PDIA4: variants seen among roughly 807,000 people sequenced by gnomAD.
The protein encoded by PDIA4 is protein disulfide-isomerase A4.
In PDIA4, 33 loss-of-function variants were observed where a neutral mutation model predicts 62.1. The ratio of observed to expected loss-of-function variants is 0.53; its 90% confidence interval spans 0.40 to 0.71. PDIA4 has a LOEUF of 0.71. PDIA4 is among the 30% of genes least tolerant of loss of function. PDIA4 has a pLI of 0.00. For synonymous variants in PDIA4, 341 were observed against 324.1 expected (o/e 1.05, Z -0.56); for missense variants, 804 against 813.6 (o/e 0.99, Z 0.14).
chr7:149,022,631 C>T (rs1291068718), intron 1 of PDIA4, among the ~76,000 whole-genome samples: 1 of 152,082 alleles, frequency 6.6e-6, no homozygotes, highest in Non-Finnish European at 1.5e-5. Context: ...TGGATGAGGT[C>T]AGGGTCTGAA....
Position 149,028,391 on chromosome 7 carries a change from G to A in PDIA4, c.18C>T (p.Ala6=), listed in dbSNP as rs531895919. 5 of 1,520,354 alleles carry A rather than the reference G, an allele frequency of 3.3e-6. No homozygotes were observed. Among genetic ancestry groups the A allele is most frequent in the Non-Finnish European group, 4.4e-6 (5 of 1,134,830 alleles). The allele number at this position is 1,520,354 out of a possible 1,614,324, so 94.2% of individuals were successfully genotyped here. A position where few individuals can be genotyped will look rare whatever the true frequency, so the allele number is the denominator to read the frequency against. The change falls in exon 1 of 10, where the codon GCC becomes GCT. Residue 6 remains alanine, a synonymous_variant. Transcript: ENST00000652332. Reference sequence around the variant, plus strand: ...GCCCCAAGAGCAGCAGGAGCAGGAAGGCTTTCCGGGGCCTCATGGTAGCGG... The same window carrying A: ...GCCCCAAGAGCAGCAGGAGCAGGAAAGCTTTCCGGGGCCTCATGGTAGCGG... MRPRK[A]FLLLLLLGLV...
chr7:149,021,234 T>G (rs1258525997), intron 1 of PDIA4, 87 bp from the exon 2 acceptor site: 4 of 1,361,852 alleles, frequency 2.9e-6, no homozygotes, highest in East Asian at 5.0e-5. Context: ...CTCACACTTG[T>G]AATCCCAGCA....
In PDIA4 at chr7:149,007,370, G is replaced by A. The variant is rs564144709; in HGVS notation, c.1131+789C>T. On this transcript the variant is annotated intron_variant, in intron 7 of 9. Coordinates refer to ENST00000652332, the MANE Select transcript of PDIA4 (RefSeq NM_004911.5). The stretch of plus-strand genomic sequence containing the variant: ...CAAACAGCCAGGGTCCTGACACTAT[G>A]GGCCAGTAGGACCTGGAAAGGCCCC... 2.0e-5 allele frequency among the ~76,000 whole-genome samples: 3 copies of A among 152,306 alleles called. No homozygotes were observed. The East Asian group carries it at 5.8e-4, about 29-fold the overall frequency.
chr7:149,019,072 A>C lies in PDIA4; in HGVS notation c.395T>G (p.Phe132Cys). 1 of 1,613,562 alleles carries C rather than the reference A, an allele frequency of 6.2e-7. No homozygotes were observed. The highest frequency in any genetic ancestry group is 2.2e-5 in the East Asian group (1 of 44,854). ...GATGGTGGGGTAGCCACTCACATCAAACCTGCTGGCCAGCACAGACGCTGA... is the reference window on the plus strand; with the variant it reads ...GATGGTGGGGTAGCCACTCACATCACACCTGCTGGCCAGCACAGACGCTGA... ...ATSASVLASRFDVSGYPTIKI... is the reference protein window; with the variant it reads ...ATSASVLASRCDVSGYPTIKI... The change falls in exon 3 of 10, where the codon TTT becomes TGT. Residue 132 changes from phenylalanine (F) to cysteine (C), a missense_variant. By Grantham distance (205) the Phe-to-Cys change is radical (BLOSUM62 -2). Transcript: ENST00000652332.
intron 7 of PDIA4, among the ~76,000 whole-genome samples, chr7:149,006,986 C>G (rs1823780126): frequency 6.6e-6 from 1 of 152,186 alleles, no homozygotes; most frequent in South Asian, 2.1e-4. Context: ...ACACACAGAG[C>G]TGTGTCCGAT....
intron 4 of PDIA4, 140 bp from the exon 5 acceptor site, chr7:149,012,500 C>T: frequency 1.5e-6 from 1 of 675,328 alleles, no homozygotes; most frequent in Non-Finnish European, 2.5e-6. Flanking sequence ...CCTAGACCCT[C>T]AGGCCCTCAG....
At chr7:149,017,108 G>T (rs565121895) in intron 3 of PDIA4, among the ~76,000 whole-genome samples, 35 of 151,992 alleles carry the variant, frequency 2.3e-4, no homozygotes, top group Admixed American at 3.9e-4. Flanking sequence ...CAAGGCGCTC[G>T]TCCAGAACAC....
Position 149,005,205 on chromosome 7 carries a change from G to A in PDIA4, c.1458C>T (p.Phe486=), listed in dbSNP as rs143003292. 5.0e-6 allele frequency: 8 copies of A among 1,614,006 alleles called. No individual in the cohort carries two copies. Among genetic ancestry groups the A allele is most frequent in the African/African-American group, 4.0e-5 (3 of 74,900 alleles). Residue 486 remains phenylalanine (F), a synonymous_variant, in exon 9 of 10, where the codon TTC becomes TTT. Coordinates refer to ENST00000652332, the MANE Select transcript of PDIA4 (RefSeq NM_004911.5). ...AGTCAAACTCCTCTGGCTCCATGGC[G>A]AACTTCTTCCCACTCTCGTCCAGGA... The part of the protein sequence containing the change: ...AAILDESGKK[F]AMEPEEFDSD...
At chr7:149,028,175 C>G (rs566811799) in intron 1 of PDIA4, 146 bp downstream of exon 1, 1 of 624,282 alleles carries the variant, frequency 1.6e-6, no homozygotes, top group Non-Finnish European at 2.8e-6. Flanking sequence ...TCAACTCCGC[C>G]AAGTTTACCC....
intron 3 of PDIA4, among the ~76,000 whole-genome samples, chr7:149,016,343 C>A (rs1054757080): frequency 2.0e-5 from 3 of 152,062 alleles, no homozygotes; most frequent in African/African-American, 7.2e-5. Flanking sequence ...AGATTAAGTT[C>A]TTTATGTATG....
intron 2 of PDIA4, among the ~76,000 whole-genome samples, chr7:149,020,337 T>C (rs913219313): frequency 2.6e-5 from 4 of 152,202 alleles, no homozygotes; most frequent in African/African-American, 9.7e-5. Flanking sequence ...ATATCCTATT[T>C]GGTCTCAGAA....
chr7:149,026,478 G>A (rs1330156838), intron 1 of PDIA4, among the ~76,000 whole-genome samples: 3 of 152,122 alleles, frequency 2.0e-5, no homozygotes, highest in Non-Finnish European at 2.9e-5. Context: ...GTGAAACCCC[G>A]TCTCTACTGA....
Position 149,028,235 on chromosome 7 carries a change from C to T in PDIA4, c.88+86G>A, listed in dbSNP as rs902362450. 19 of 1,026,468 alleles carry T rather than the reference C, an allele frequency of 1.9e-5. 1 individual carries two copies. The highest frequency in any genetic ancestry group is 3.2e-4 in the Middle Eastern group (1 of 3,096). 63.6% of individuals were successfully genotyped at this position (1,026,468 alleles called of 1,614,324 possible). On this transcript the variant is annotated intron_variant, in intron 1 of 9. Coordinates refer to ENST00000652332, the MANE Select transcript of PDIA4 (RefSeq NM_004911.5). ...CTGGAGCTGACCGCGCGGAAGCCCG[C>T]CCGCCGGGGTCGCAGGGCCCAGGCC... is the stretch of plus-strand genomic sequence containing the variant.
intron 1 of PDIA4, among the ~76,000 whole-genome samples, chr7:149,026,678 A>G (rs1244547049): frequency 4.6e-5 from 7 of 151,832 alleles, no homozygotes; most frequent in African/African-American, 1.4e-4. Flanking sequence ...AAGCACCTAC[A>G]GTCCCAGCTC....
chr7:149,024,140 G>A (rs1277989518), intron 1 of PDIA4, among the ~76,000 whole-genome samples: 3 of 152,098 alleles, frequency 2.0e-5, no homozygotes, highest in Non-Finnish European at 4.4e-5. Context: ...TTAGCTACTT[G>A]GGAGGCTGAG....
Position 149,005,326 on chromosome 7 carries a change from G to T in PDIA4, c.1337C>A (p.Pro446His), listed in dbSNP as rs747349265. 12 of 1,614,012 alleles carry T rather than the reference G, an allele frequency of 7.4e-6. No homozygotes were observed. The Admixed American group carries it at 1.8e-4, about 25-fold the overall frequency. ...SKVLEVAKDF[P>H]EYTFAIADEE... ...GTCCGCAATGGCAAAGGTGTACTCA[G>T]GGAAGTCCTTGGCCACCTCTAGGAC... Residue 446 changes from proline (P) to histidine (H), a missense_variant, in exon 9 of 10, where the codon CCT (proline) becomes CAT (histidine). Physicochemically the swap from Pro to His is moderately conservative, Grantham distance 77. Transcript: ENST00000652332.
intron 9 of PDIA4, 136 bp downstream of exon 9, chr7:149,005,005 G>C: frequency 1.4e-6 from 1 of 709,534 alleles, no homozygotes; most frequent in Admixed American, 2.1e-5. Flanking sequence ...GTCCCTCGGG[G>C]GTGAGAGAGG....
rs779545225 is a variant in PDIA4 at position 149,021,158 on chromosome 7, A to G, written c.89-11T>C. ...CTCTGTTAGAAGAATCTGAGTGGAAAACACCCAGACTGGTTACAAAGCTGG... is the reference window on the plus strand; with the variant it reads ...CTCTGTTAGAAGAATCTGAGTGGAAGACACCCAGACTGGTTACAAAGCTGG... On this transcript the variant is annotated splice_polypyrimidine_tract_variant and intron_variant, in intron 1 of 9. Coordinates refer to ENST00000652332, the MANE Select transcript of PDIA4 (RefSeq NM_004911.5). 9.6e-6 allele frequency: 15 copies of G among 1,567,674 alleles called. No individual in the cohort carries two copies. Among genetic ancestry groups the G allele is most frequent in the Non-Finnish European group, 1.2e-5 (14 of 1,156,378 alleles).
chr7:149,004,520 G>A (rs905124020), intron 9 of PDIA4, among the ~76,000 whole-genome samples: 1 of 152,206 alleles, frequency 6.6e-6, no homozygotes, highest in African/African-American at 2.4e-5. Flanking sequence ...CGGGAGCCAT[G>A]GGGGGGAGGT....
Sources: gnomAD v4.1 joint callset for allele counts (sites outside exome capture counted in the v4.1 genomes callset) on GRCh38, gnomAD v4.1.1 for gene constraint, MANE v1.5 for transcripts, NCBI Gene and HGNC (gene_info 2026-07-23, HGNC 2026-07-21) for gene names.